Variants in CDH8 observed in about 807,000 individuals in gnomAD.
CDH8 encodes cadherin 8, also known as cadherin-8.
In CDH8, 17 loss-of-function variants were observed where a neutral mutation model predicts 68.1. The observed-to-expected ratio is 0.25, with a 90% CI of 0.17 to 0.37. The LOEUF is 0.37. CDH8 is among the 10% of genes least tolerant of loss of function. The pLI is 1.00. For synonymous variants in CDH8, 372 were observed against 365.1 expected (o/e 1.02, Z -0.21); for missense variants, 763 against 999.3 (o/e 0.76, Z 3.19).
At chr16:61,871,506 G>A (rs1441360747) in intron 3 of CDH8, among the ~76,000 whole-genome samples, 3 of 151,860 alleles carry the variant, frequency 2.0e-5, no homozygotes, top group Admixed American at 2.0e-4. Flanking sequence ...ATGGGCAAAT[G>A]TTTTCATGGT....
rs1470704414 is a variant in CDH8, at chr16:61,773,719, T to C, written c.1414+15627A>G. Among the ~76,000 whole-genome samples, 3 of 152,240 alleles carry C rather than the reference T, an allele frequency of 2.0e-5. No homozygotes were observed. In the East Asian group the frequency reaches 5.8e-4, roughly 29 times the overall value. ...GTTCAAAGGATATTAGTTTCTTTTT[T>C]CTTAGCTAATTTGAATTCCAGGGTG... On this transcript the variant is annotated intron_variant, in intron 8 of 11. Transcript: ENST00000577390.
At chr16:61,948,788 C>T (rs1964840349) in intron 2 of CDH8, among the ~76,000 whole-genome samples, 1 of 152,082 alleles carries the variant, frequency 6.6e-6, no homozygotes, top group South Asian at 2.1e-4. Flanking sequence ...AATTTTTATT[C>T]TTAATATTTT....
chr16:61,678,272 T>A (rs550840978), intron 10 of CDH8, among the ~76,000 whole-genome samples: 3 of 152,112 alleles, frequency 2.0e-5, no homozygotes, highest in Non-Finnish European at 2.9e-5. Flanking sequence ...CTTGAGCACA[T>A]GTTCTCAGAA....
chr16:61,960,132 T>TAC (rs1965090811), intron 2 of CDH8, among the ~76,000 whole-genome samples: 1 of 112,188 alleles, frequency 8.9e-6, no homozygotes, highest in Non-Finnish European at 1.8e-5. Context: ...TGTGTGTGTA[T>TAC]ACACATACAT....
At chr16:61,789,633 CTGAA>C in intron 7 of CDH8, 151 bp from the exon 8 acceptor site, 2 of 675,102 alleles carry the variant, frequency 3.0e-6, no homozygotes. Flanking sequence ...ACAAAAATGA[CTGAA>C]TGAGGCACGA....
At chr16:61,957,217 G>A (rs62052039) in intron 2 of CDH8, among the ~76,000 whole-genome samples, 42,313 of 151,822 alleles carry the variant, frequency 0.28, 6,317 homozygotes, top group African/African-American at 0.4. Flanking sequence ...ACATATGCAC[G>A]CACACCTTGA....
intron 2 of CDH8, among the ~76,000 whole-genome samples, chr16:61,932,173 C>T (rs772107052): frequency 2.0e-5 from 3 of 148,074 alleles, no homozygotes; most frequent in African/African-American, 7.6e-5. Context: ...CGCCACTGCA[C>T]TCCAGGCCTG....
intron 8 of CDH8, among the ~76,000 whole-genome samples, chr16:61,782,397 G>A (rs919347621): frequency 2.6e-5 from 4 of 151,780 alleles, no homozygotes; most frequent in Admixed American, 6.6e-5. Flanking sequence ...AAAAAACGGC[G>A]CACCACGAGA....
intron 3 of CDH8, among the ~76,000 whole-genome samples, chr16:61,898,305 A>C (rs890391648): frequency 5.3e-5 from 8 of 152,154 alleles, no homozygotes; most frequent in African/African-American, 1.7e-4. Flanking sequence ...GTCTCAAAAA[A>C]AAAAGAAGTA....
At chr16:61,853,965 C>T (rs926515395) in intron 4 of CDH8, among the ~76,000 whole-genome samples, 13 of 151,244 alleles carry the variant, frequency 8.6e-5, no homozygotes, top group African/African-American at 2.9e-4. Flanking sequence ...TGTATATATA[C>T]ATGTACATAT....
Position 61,653,528 on chromosome 16 carries a change from C to A in CDH8, c.*80G>T. ...CTAAACTTGCCTCTAAAACAAATAG[C>A]CACATTGGTTGTATCTAAGGGGAGT... On this transcript the variant is annotated 3_prime_UTR_variant, in exon 12 of 12. Transcript: ENST00000577390. The A allele has an allele frequency of 6.6e-7, 1 of 1,510,700 alleles. No homozygotes were observed. The highest frequency in any genetic ancestry group is 8.8e-7 in the Non-Finnish European group (1 of 1,130,982). The allele number at this position is 1,510,700 out of a possible 1,614,324, so 93.6% of individuals were successfully genotyped here.
At chr16:61,864,645 G>C (rs949945304) in intron 3 of CDH8, among the ~76,000 whole-genome samples, 9 of 152,126 alleles carry the variant, frequency 5.9e-5, no homozygotes, top group Admixed American at 1.3e-4. Context: ...CTTTGCAGGG[G>C]GAGGAGGATT....
intron 2 of CDH8, among the ~76,000 whole-genome samples, chr16:61,939,640 T>G (rs1444517737): frequency 6.6e-6 from 1 of 152,186 alleles, no homozygotes; most frequent in Non-Finnish European, 1.5e-5. Flanking sequence ...AGCTAATAAA[T>G]CATTTGTAAT....
intron 8 of CDH8, among the ~76,000 whole-genome samples, chr16:61,750,006 C>G (rs1312393785): frequency 1.3e-5 from 2 of 152,010 alleles, no homozygotes; most frequent in African/African-American, 4.8e-5. Flanking sequence ...GATCCTGTCA[C>G]CCAGGTAGTC....
chr16:61,745,024 CA>C (rs759668312), intron 8 of CDH8, among the ~76,000 whole-genome samples: 1 of 145,236 alleles, frequency 6.9e-6, no homozygotes, highest in Non-Finnish European at 1.5e-5. Context: ...GGCTGGTTTT[CA>C]TTTTTTTTTT....
At chr16:61,899,225 A>C (rs1963924400) in intron 3 of CDH8, among the ~76,000 whole-genome samples, 1 of 152,086 alleles carries the variant, frequency 6.6e-6, no homozygotes, top group South Asian at 2.1e-4. Flanking sequence ...GAGAACATAC[A>C]GTGTTTTGTT....
intron 8 of CDH8, among the ~76,000 whole-genome samples, chr16:61,737,751 T>A (rs1266242851): frequency 6.6e-6 from 1 of 152,164 alleles, no homozygotes; most frequent in African/African-American, 2.4e-5. Context: ...GTATTGTTTT[T>A]ATGCATTCCC....
At chr16:61,717,555 T>C (rs1031681715) in intron 9 of CDH8, among the ~76,000 whole-genome samples, 4 of 151,646 alleles carry the variant, frequency 2.6e-5, no homozygotes, top group African/African-American at 9.7e-5. Flanking sequence ...AAATATATTA[T>C]AGTAGCAGAA....
At chr16:62,001,546 T>A (rs1469067281) in intron 2 of CDH8, among the ~76,000 whole-genome samples, 2 of 152,156 alleles carry the variant, frequency 1.3e-5, no homozygotes, top group African/African-American at 2.4e-5. Flanking sequence ...GAGGCTTAAC[T>A]TGTCAGTGAT....
Sources: allele counts gnomAD v4.1 joint callset (sites outside exome capture counted in the v4.1 genomes callset), GRCh38; gene constraint gnomAD v4.1.1; transcripts MANE v1.5; gene names NCBI Gene and HGNC (gene_info 2026-07-23, HGNC 2026-07-21).